CARD14: variants seen among roughly 807,000 people sequenced by gnomAD.
CARD14 encodes caspase recruitment domain-containing protein 14.
CARD14 carries 107 observed loss-of-function variants against 111.5 expected under a neutral mutation model. The observed-to-expected ratio is 0.96, with a 90% CI of 0.82 to 1.13. The LOEUF (loss-of-function observed/expected upper bound fraction) is 1.13, where lower values mean the gene tolerates loss of function less well. Ranked by LOEUF, CARD14 falls within the 50% of genes most tolerant of loss-of-function variation. The probability of loss-of-function intolerance (pLI) is 0.00; values close to 1 mark genes in which losing one functional copy is unlikely to be tolerated. For synonymous variants in CARD14, 617 were observed against 579.6 expected, an observed-to-expected ratio of 1.06 and a Z score of -0.93; for missense variants, 1,322 against 1,362.3, an observed-to-expected ratio of 0.97 and a Z score of 0.47.
In CARD14 at chr17:80,203,554, A is replaced by T; in HGVS notation, c.2220-268A>T. ...GTGGGGCCCTGTACGCTGGCTGCTCAACAGCACCCCCTGGGTCCCGCCCCA... is the reference window on the plus strand; with the variant it reads ...GTGGGGCCCTGTACGCTGGCTGCTCTACAGCACCCCCTGGGTCCCGCCCCA... On this transcript the variant is annotated intron_variant, in intron 18 of 23. Transcript: ENST00000648509. This position sits in a 1 kb window ranked among gnomAD's most constrained non-coding sequence, Gnocchi z 4.6. The T allele has an allele frequency of 2.3e-6, 1 of 427,420 alleles. No individual in the cohort carries two copies. The highest frequency in any genetic ancestry group is 4.2e-6 in the Non-Finnish European group (1 of 240,100). The allele number at this position is 427,420 out of a possible 1,614,324, so 26.5% of individuals were successfully genotyped here. A position where few individuals can be genotyped will look rare whatever the true frequency, so the allele number is the denominator to read the frequency against.
Position 80,208,508 on chromosome 17 carries a change from G to T in CARD14, c.*163G>T. Reference sequence around the variant, plus strand: ...AACCTTGAACCCTCACCACGTGCAGGTCACACACAGTGAAGCCACTTGTAA... The same window carrying T: ...AACCTTGAACCCTCACCACGTGCAGTTCACACACAGTGAAGCCACTTGTAA... On this transcript the variant is annotated 3_prime_UTR_variant, in exon 24 of 24. Transcript: ENST00000648509. 1 of 590,512 alleles carries T rather than the reference G, an allele frequency of 1.7e-6. No homozygotes were observed. Among genetic ancestry groups the T allele is most frequent in the Non-Finnish European group, 2.9e-6 (1 of 344,602 alleles). 36.6% of individuals were successfully genotyped at this position (590,512 alleles called of 1,614,324 possible). A position where few individuals can be genotyped will look rare whatever the true frequency, so the allele number is the denominator to read the frequency against.
chr17:80,172,872 C>CTTTTTTTTTTTTTTTTTTTTTTT lies in CARD14; in HGVS notation c.-689-30_-689-8dup, dbSNP rs55912754. ...CCCATACTTGCTTATTCTAAACATT[C>CTTTTTTTTTTTTTTTTTTTTTTT]TTTTTTTTTTTTTTTTTTTTTTTTT... On this transcript the variant is annotated intron_variant, in intron 1 of 23. Coordinates refer to ENST00000648509, the MANE Select transcript of CARD14 (RefSeq NM_001366385.1). The CTTTTTTTTTTTTTTTTTTTTTTT allele has an allele frequency of 2.1e-3, 147 of 70,780 alleles. 35 individuals carry two copies. The highest frequency in any genetic ancestry group is 2.4e-3 in the African/African-American group (42 of 17,180). The allele number at this position is 70,780 out of a possible 1,614,324, so 4.4% of individuals were successfully genotyped here.
rs1332338369 is a variant in CARD14, at chr17:80,198,560, T to C, written c.1820T>C (p.Met607Thr). 13 of 1,612,818 alleles carry C rather than the reference T, an allele frequency of 8.1e-6. No individual in the cohort carries two copies. Among genetic ancestry groups the C allele is most frequent in the East Asian group, 2.2e-5 (1 of 44,882 alleles). Residue 607 changes from methionine to threonine, a missense_variant, in exon 16 of 24, where the codon ATG becomes ACG. Physicochemically the swap from Met to Thr is moderately conservative, Grantham distance 81 (BLOSUM62 -1). Transcript: ENST00000648509. The surrounding 1 kb of genome is among the most constrained non-coding windows in gnomAD (Gnocchi z 7.5). ...RVTPGSAADQ[M>T]ALRPGTQIVM... ...ACCCCGGGCTCGGCGGCGGACCAGA[T>C]GGCCTTGCGCCCGGGCACCCAGATT...
chr17:80,195,161 C>G lies in CARD14; in HGVS notation c.1357-30C>G, dbSNP rs747661632. 3 of 1,576,598 alleles carry G rather than the reference C, an allele frequency of 1.9e-6. No homozygotes were observed. The highest frequency in any genetic ancestry group is 2.6e-6 in the Non-Finnish European group (3 of 1,156,072). On this transcript the variant is annotated intron_variant, in intron 12 of 23. Transcript: ENST00000648509. This position sits in a 1 kb window ranked among gnomAD's most constrained non-coding sequence, Gnocchi z 4.7. The stretch of plus-strand genomic sequence containing the variant: ...GAGTCTCAGGGTGTCCTCGTGCGTG[C>G]CCCACTGACTTCTGCCCTCCCTCCT...
At chr17:80,185,820 G>C (rs960230547) in intron 7 of CARD14, among the ~76,000 whole-genome samples, 1 of 152,180 alleles carries the variant, frequency 6.6e-6, no homozygotes, top group Non-Finnish European at 1.5e-5. Flanking sequence ...TCTCATTTGG[G>C]GTTTGTCTTG....
At position 80,198,532 on chromosome 17, in the gene CARD14, G is replaced by C. The variant is rs780730313; in HGVS notation, c.1792G>C (p.Val598Leu). ...CCTCACGGGCATCTTCATCCACCGGGTCACCCCGGGCTCGGCGGCGGACCA... is the reference window on the plus strand; with the variant it reads ...CCTCACGGGCATCTTCATCCACCGGCTCACCCCGGGCTCGGCGGCGGACCA... ...GNLTGIFIHR[V>L]TPGSAADQMA... The change falls in exon 16 of 24, where the codon GTC (valine) becomes CTC (leucine). Residue 598 changes from valine (V) to leucine (L), a missense_variant. Physicochemically the swap from Val to Leu is conservative, Grantham distance 32. Coordinates refer to ENST00000648509, the MANE Select transcript of CARD14 (RefSeq NM_001366385.1). This position sits in a 1 kb window ranked among gnomAD's most constrained non-coding sequence, Gnocchi z 7.5. The C allele has an allele frequency of 3.1e-6, 5 of 1,613,244 alleles. No homozygotes were observed. Among genetic ancestry groups the C allele is most frequent in the South Asian group, 1.1e-5 (1 of 91,070 alleles).
At position 80,205,667 on chromosome 17, in the gene CARD14, G is replaced by A. The variant is rs200394665; in HGVS notation, c.2691+15G>A. The A allele has an allele frequency of 1.2e-3, 1,862 of 1,537,404 alleles. 7 individuals carry two copies. The highest frequency in any genetic ancestry group is 0.011 in the Middle Eastern group (52 of 4,630). ...TCATGGAAAAGGTGAGGTCAAGGGC[G>A]GGGTGGGCAGGGGAGCTGTCCTGGG... On this transcript the variant is annotated intron_variant, in intron 22 of 23. Coordinates refer to ENST00000648509, the MANE Select transcript of CARD14 (RefSeq NM_001366385.1).
intron 1 of CARD14, among the ~76,000 whole-genome samples, chr17:80,170,915 A>G (rs2039882516): frequency 1.4e-5 from 2 of 147,952 alleles, no homozygotes. Flanking sequence ...ATCTCGGCTC[A>G]CTGCAATTTC....
Position 80,195,928 on chromosome 17 carries a change from G to A in CARD14, c.1594+276G>A, listed in dbSNP as rs931058149. On this transcript the variant is annotated intron_variant, in intron 14 of 23. Coordinates refer to ENST00000648509, the MANE Select transcript of CARD14 (RefSeq NM_001366385.1). The surrounding 1 kb of genome is among the most constrained non-coding windows in gnomAD (Gnocchi z 4.7). The stretch of plus-strand genomic sequence containing the variant: ...TTGTGTCTGATCCACGCCCTGCTCA[G>A]CACCCAGCCCCCTGCTCTGATCTGT... 2.3e-5 allele frequency: 10 copies of A among 441,896 alleles called. No individual in the cohort carries two copies. Among genetic ancestry groups the A allele is most frequent in the Non-Finnish European group, 3.3e-5 (8 of 243,618 alleles). 27.4% of individuals were successfully genotyped at this position (441,896 alleles called of 1,614,324 possible). A position where few individuals can be genotyped will look rare whatever the true frequency, so the allele number is the denominator to read the frequency against.
At position 80,189,501 on chromosome 17, in the gene CARD14, G is replaced by T. The variant is rs534459821; in HGVS notation, c.844-252G>T. Reference sequence around the variant, plus strand: ...TCTGTTGAAGGAGAAGGCTGACCTGGTAAAGGGAGGAACTGGTGTCCTCAG... The same window carrying T: ...TCTGTTGAAGGAGAAGGCTGACCTGTTAAAGGGAGGAACTGGTGTCCTCAG... On this transcript the variant is annotated intron_variant, in intron 8 of 23. Coordinates refer to ENST00000648509, the MANE Select transcript of CARD14 (RefSeq NM_001366385.1). This position sits in a 1 kb window ranked among gnomAD's most constrained non-coding sequence, Gnocchi z 4.7. 6.6e-6 allele frequency among the ~76,000 whole-genome samples: 1 copy of T among 152,292 alleles called. No individual in the cohort carries two copies. The highest frequency in any genetic ancestry group is 2.4e-5 in the African/African-American group (1 of 41,552).
chr17:80,198,891 A>C lies in CARD14; in HGVS notation c.1851+300A>C. ...TGGTCACTTTGGGTGTGTACAGTAA[A>C]ATACACGTGACATAAAATTCACTAT... On this transcript the variant is annotated intron_variant, in intron 16 of 23. Transcript: ENST00000648509. This position sits in a 1 kb window ranked among gnomAD's most constrained non-coding sequence, Gnocchi z 7.5. 7.6e-7 allele frequency: 1 copy of C among 1,322,700 alleles called. No homozygotes were observed. Among genetic ancestry groups the C allele is most frequent in the Non-Finnish European group, 9.7e-7 (1 of 1,036,016 alleles). The allele number at this position is 1,322,700 out of a possible 1,614,324, so 81.9% of individuals were successfully genotyped here.
chr17:80,180,187 C>T (rs1050737542), intron 4 of CARD14, among the ~76,000 whole-genome samples: 10 of 152,144 alleles, frequency 6.6e-5, no homozygotes, highest in Non-Finnish European at 1.0e-4. Context: ...CTGAGGACCT[C>T]CAACAGCTCT....
At chr17:80,192,469 G>A (rs892054421) in intron 11 of CARD14, 34 bp from the exon 12 acceptor site, 12 of 1,571,784 alleles carry the variant, frequency 7.6e-6, no homozygotes, top group African/African-American at 1.4e-5. Flanking sequence ...AACCTTTCCC[G>A]AATTAACCAG....
intron 16 of CARD14, among the ~76,000 whole-genome samples, chr17:80,200,362 A>G (rs2040909963): frequency 7.0e-6 from 1 of 143,416 alleles, no homozygotes; most frequent in South Asian, 2.2e-4. Flanking sequence ...TCAGCCTCCC[A>G]TGTAGCTGGG....
chr17:80,208,303 C>T lies in CARD14; in HGVS notation c.2973C>T (p.Asp991=), dbSNP rs554956821. The T allele has an allele frequency of 2.9e-5, 46 of 1,605,488 alleles. No homozygotes were observed. The highest frequency in any genetic ancestry group is 1.7e-4 in the Middle Eastern group (1 of 6,044). ...LLSCVRQAIA[D]EQKKVVWTEQ... ...GCTGTGTCCGCCAGGCCATCGCCGA[C>T]GAGCAGAAGAAGGTGGTGTGGACGG... The change falls in exon 24 of 24, where the codon GAC becomes GAT. Residue 991 remains aspartate, a synonymous_variant. Transcript: ENST00000648509.
chr17:80,178,823 G>A (rs775051344), intron 3 of CARD14, among the ~76,000 whole-genome samples, 168 bp downstream of exon 3: 2 of 152,208 alleles, frequency 1.3e-5, no homozygotes, highest in African/African-American at 4.8e-5. Flanking sequence ...TCAGCTTACT[G>A]CAACCTCTGC....
In CARD14 at chr17:80,184,075, A is replaced by G; in HGVS notation, c.512A>G (p.His171Arg). The G allele has an allele frequency of 3.2e-6, 5 of 1,585,410 alleles. No homozygotes were observed. Among genetic ancestry groups the G allele is most frequent in the Non-Finnish European group, 4.3e-6 (5 of 1,166,586 alleles). Reference protein sequence around the residue: ...GLAETRAEGLHQLEADHSRMK... With the variant: ...GLAETRAEGLRQLEADHSRMK... ...GCCGAGACCCGTGCCGAGGGCCTGC[A>G]CCAGCTGGAGGCTGACCACAGCCGC... Residue 171 changes from histidine to arginine, a missense_variant, in exon 7 of 24, where the codon CAC (histidine) becomes CGC (arginine). By Grantham distance (29) the His-to-Arg change is conservative. Transcript: ENST00000648509.
At position 80,208,363 on chromosome 17, in the gene CARD14, C is replaced by T. The variant is rs775159366; in HGVS notation, c.*18C>T. The T allele has an allele frequency of 1.0e-5, 16 of 1,566,612 alleles. No homozygotes were observed. The highest frequency in any genetic ancestry group is 2.7e-5 in the African/African-American group (2 of 74,414). On this transcript the variant is annotated 3_prime_UTR_variant, in exon 24 of 24. Coordinates refer to ENST00000648509, the MANE Select transcript of CARD14 (RefSeq NM_001366385.1). ...CCCGATGATGCACCGTGCCCCTTCC[C>T]GGGACTGTGGGGGCTTCTGTGTGCC... is the stretch of plus-strand genomic sequence containing the variant.
chr17:80,208,450 C>T lies in CARD14; in HGVS notation c.*105C>T, dbSNP rs1019975432. ...TGGCACAGCTGTGGGCTCCTTGGCA[C>T]ATGAGGCCGGCTCTCCCCACTGGCT... On this transcript the variant is annotated 3_prime_UTR_variant, in exon 24 of 24. Transcript: ENST00000648509. 1.8e-6 allele frequency: 2 copies of T among 1,088,992 alleles called. No homozygotes were observed. Among genetic ancestry groups the T allele is most frequent in the African/African-American group, 3.1e-5 (2 of 63,516 alleles). 67.5% of individuals were successfully genotyped at this position (1,088,992 alleles called of 1,614,324 possible).
Sources: gnomAD v4.1 joint callset for allele counts (sites outside exome capture counted in the v4.1 genomes callset) on GRCh38, gnomAD v4.1.1 for gene constraint, Gnocchi (gnomAD v3.1) non-coding constraint, MANE v1.5 for transcripts, NCBI Gene and HGNC (gene_info 2026-07-23, HGNC 2026-07-21) for gene names.